The following CD99 variants were observed in gnomAD, a reference collection of about 807,000 sequenced individuals.
CD99 encodes CD99 molecule (Xg blood group).
In CD99, 19 loss-of-function variants were observed where a neutral mutation model predicts 28.4. That is an observed-to-expected ratio of 0.67 (90% CI 0.47 to 0.98). The LOEUF (loss-of-function observed/expected upper bound fraction) is 0.98, where lower values mean the gene tolerates loss of function less well. Among genes scored for constraint, CD99 ranks in the 50% least tolerant of loss-of-function variants. The probability of loss-of-function intolerance (pLI) is 0.00; values close to 1 mark genes in which losing one functional copy is unlikely to be tolerated. For missense variants in CD99, 283 were observed against 248.8 expected, an observed-to-expected ratio of 1.14 and a Z score of -0.92; for synonymous variants, 103 against 92.1, an observed-to-expected ratio of 1.12 and a Z score of -0.67.
intron 1 of CD99, among the ~76,000 whole-genome samples, chrX:2,700,356 T>C (rs755746899): frequency 6.6e-6 from 1 of 152,254 alleles, no homozygotes; most frequent in East Asian, 1.9e-4. Context: ...CTTCCATCCA[T>C]TTATCCATCC....
intron 1 of CD99, among the ~76,000 whole-genome samples, chrX:2,713,114 C>T (rs1172861954): frequency 7.3e-6 from 1 of 137,144 alleles, no homozygotes; most frequent in Non-Finnish European, 1.5e-5. Flanking sequence ...CATATACACA[C>T]TACATCCGCC....
intron 8 of CD99, among the ~76,000 whole-genome samples, chrX:2,729,937 G>C (rs1403699460): frequency 2.0e-5 from 3 of 152,236 alleles, no homozygotes; most frequent in East Asian, 1.9e-4. Flanking sequence ...AGGATTGCTT[G>C]AGCCCAGGAG....
At chrX:2,736,427 A>G (rs193229233) in intron 8 of CD99, among the ~76,000 whole-genome samples, 10,007 of 151,982 alleles carry the variant, frequency 0.066, 593 homozygotes, top group African/African-American at 0.16. Context: ...ATAAATACCT[A>G]TTGATCTGTG....
intron 1 of CD99, among the ~76,000 whole-genome samples, chrX:2,708,529 C>T (rs1440401923): frequency 1.3e-5 from 2 of 152,124 alleles, no homozygotes; most frequent in Non-Finnish European, 2.9e-5. Context: ...GGTTGTCTCT[C>T]CTCTGGTGTC....
At chrX:2,723,078 T>C (rs192435475) in intron 6 of CD99, among the ~76,000 whole-genome samples, 1 of 152,328 alleles carries the variant, frequency 6.6e-6, no homozygotes, top group East Asian at 1.9e-4. Context: ...ATAGTGATAA[T>C]GCCTGGGAGT....
intron 1 of CD99, among the ~76,000 whole-genome samples, chrX:2,695,626 GA>G (rs998736341): frequency 1.6e-4 from 24 of 145,808 alleles, no homozygotes; most frequent in African/African-American, 6.0e-4. Context: ...TGCCCAGACT[GA>G]AAAAAAAGTC....
chrX:2,693,865 G>T (rs2047447467), intron 1 of CD99, among the ~76,000 whole-genome samples: 1 of 152,134 alleles, frequency 6.6e-6, no homozygotes, highest in Non-Finnish European at 1.5e-5. Context: ...GACATTTTTG[G>T]TTGCCACCCT....
chrX:2,705,443 AT>A lies in CD99; in HGVS notation c.68-8972del, dbSNP rs1395077662. On this transcript the variant is annotated intron_variant, in intron 1 of 9. Coordinates refer to ENST00000381192, the MANE Select transcript of CD99 (RefSeq NM_002414.5). The stretch of plus-strand genomic sequence containing the variant: ...ATGTTTGGTAAGATCTCAGCGCCAG[AT>A]TTTTTTAAATGATGTGTTTATTTCT... Among the ~76,000 whole-genome samples, 3 of 152,264 alleles carry A rather than the reference AT, an allele frequency of 2.0e-5. No individual in the cohort carries two copies. In the East Asian group the frequency reaches 5.8e-4, roughly 29 times the overall value.
chrX:2,698,847 C>T (rs2047700306), intron 1 of CD99, among the ~76,000 whole-genome samples: 1 of 152,136 alleles, frequency 6.6e-6, no homozygotes, highest in African/African-American at 2.4e-5. Context: ...TCAGCTTTGG[C>T]CCCATTGCGG....
intron 1 of CD99, among the ~76,000 whole-genome samples, chrX:2,713,459 T>C (rs311069): frequency 0.38 from 57,765 of 151,640 alleles, 12,750 homozygotes; most frequent in African/African-American, 0.62. Context: ...CACACAGAAC[T>C]CACCTACACA....
chrX:2,727,654 T>C (rs1434108170), intron 8 of CD99, among the ~76,000 whole-genome samples: 2 of 152,034 alleles, frequency 1.3e-5, no homozygotes, highest in Non-Finnish European at 2.9e-5. Flanking sequence ...TTTCTGTATT[T>C]TTAGTAGAGA....
intron 1 of CD99, among the ~76,000 whole-genome samples, chrX:2,710,867 C>CTTTTTTTTTT (rs541519754): frequency 1.0e-5 from 1 of 99,598 alleles, no homozygotes; most frequent in African/African-American, 4.0e-5. Context: ...GTAGAGATGA[C>CTTTTTTTTTT]TTTTTTTTTT....
rs947373661 is a variant in CD99 at position 2,701,102 on chromosome X, TC to T, written c.67+9679del. 1.0e-3 allele frequency among the ~76,000 whole-genome samples: 155 copies of T among 151,494 alleles called. No individual in the cohort carries two copies. The Middle Eastern group carries it at 0.01, about 10-fold the overall frequency. On this transcript the variant is annotated intron_variant, in intron 1 of 9. Coordinates refer to ENST00000381192, the MANE Select transcript of CD99 (RefSeq NM_002414.5). ...ACCTATCCACCCTTACCTCCATCCA[TC>T]CCCTTACTGCCCATCTTTCCACTCA...
At chrX:2,703,651 T>TGTGTGTGTGTG (rs1569428530) in intron 1 of CD99, among the ~76,000 whole-genome samples, 18 of 145,462 alleles carry the variant, frequency 1.2e-4, no homozygotes, top group African/African-American at 4.4e-4. Flanking sequence ...TGTGTGTGTG[T>TGTGTGTGTGTG]TGGCCTCACA....
chrX:2,708,527 C>G (rs1161549689), intron 1 of CD99, among the ~76,000 whole-genome samples: 2 of 152,146 alleles, frequency 1.3e-5, no homozygotes, highest in African/African-American at 4.8e-5. Flanking sequence ...GGGGTTGTCT[C>G]TCCTCTGGTG....
chrX:2,707,344 G>GAAAAGAA (rs1415556646), intron 1 of CD99, among the ~76,000 whole-genome samples: 1 of 149,572 alleles, frequency 6.7e-6, no homozygotes, highest in Non-Finnish European at 1.5e-5. Flanking sequence ...GAAAAGAAAA[G>GAAAAGAA]AAAAGAAAAA....
chrX:2,726,467 C>T lies in CD99; in HGVS notation c.475+94C>T, dbSNP rs376016402. Reference sequence around the variant, plus strand: ...GGCAGAAACCAAACTCGGGCTGGCACGAAACAGGTGCACGATGGCTGATGG... The same window carrying T: ...GGCAGAAACCAAACTCGGGCTGGCATGAAACAGGTGCACGATGGCTGATGG... On this transcript the variant is annotated intron_variant, in intron 8 of 9. Transcript: ENST00000381192. 1.5e-3 allele frequency: 1,227 copies of T among 814,344 alleles called. 18 individuals are homozygous for T. In the South Asian group the frequency reaches 0.015, roughly 10 times the overall value. The allele number at this position is 814,344 out of a possible 1,614,324, so 50.4% of individuals were successfully genotyped here. A position where few individuals can be genotyped will look rare whatever the true frequency, so the allele number is the denominator to read the frequency against.
In CD99 at chrX:2,732,701, CCT is replaced by C. The variant is rs1029058239; in HGVS notation, c.476-5496_476-5495del. On this transcript the variant is annotated intron_variant, in intron 8 of 9. Coordinates refer to ENST00000381192, the MANE Select transcript of CD99 (RefSeq NM_002414.5). ...CTTCCTTCTCTTTTCTTCTTATGTA[CCT>C]CTTTCTTTTTTCTCTCTTCTTTCCT... Among the ~76,000 whole-genome samples the C allele has an allele frequency of 2.0e-3, 263 of 134,702 alleles. 1 individual carries two copies. Among genetic ancestry groups the C allele is most frequent in the Non-Finnish European group, 3.2e-3 (216 of 66,754 alleles). The allele number at this position is 134,702 out of a possible 152,430, so 88.4% of individuals were successfully genotyped here.
At chrX:2,706,165 C>T (rs1047064962) in intron 1 of CD99, among the ~76,000 whole-genome samples, 2 of 152,020 alleles carry the variant, frequency 1.3e-5, no homozygotes, top group Admixed American at 1.3e-4. Context: ...CGAGACCATC[C>T]TGGCTACCAC....
Sources: allele counts gnomAD v4.1 joint callset (sites outside exome capture counted in the v4.1 genomes callset), GRCh38; gene constraint gnomAD v4.1.1; transcripts MANE v1.5; gene names NCBI Gene and HGNC (gene_info 2026-07-23, HGNC 2026-07-21).